The following SHISA6 variants were observed in gnomAD, a reference collection of about 807,000 sequenced individuals.
The protein encoded by SHISA6 is protein shisa-6.
Under a neutral mutation model 47.9 loss-of-function variants are expected in SHISA6, and 22 were observed. The observed-to-expected ratio is 0.46, with a 90% CI of 0.33 to 0.66. SHISA6 has a LOEUF of 0.66. SHISA6 is among the 30% of genes least tolerant of loss of function. SHISA6 has a pLI of 0.02. For missense variants in SHISA6, 680 were observed against 764.6 expected (o/e 0.89, Z 1.30); for synonymous variants, 388 against 337.8 (o/e 1.15, Z -1.63).
intron 3 of SHISA6, among the ~76,000 whole-genome samples, chr17:11,426,156 CAAG>C (rs1269024161): frequency 1.3e-5 from 2 of 152,166 alleles, no homozygotes; most frequent in Non-Finnish European, 2.9e-5. Context: ...AGTGACCCTC[CAAG>C]AAGGACAGTC....
At chr17:11,431,294 C>T (rs983938347) in intron 3 of SHISA6, among the ~76,000 whole-genome samples, 11 of 152,292 alleles carry the variant, frequency 7.2e-5, no homozygotes, top group African/African-American at 2.6e-4. Context: ...GACAGCTGCA[C>T]CCTCCACACA....
Position 11,305,491 on chromosome 17 carries a change from G to A in SHISA6, c.799+41965G>A, listed in dbSNP as rs376647355. ...GGCCCGAGTTCAGGTTGCATTGTCTGTGTCGCCTCACAGACTGCTGCACAG... is the reference window on the plus strand; with the variant it reads ...GGCCCGAGTTCAGGTTGCATTGTCTATGTCGCCTCACAGACTGCTGCACAG... On this transcript the variant is annotated intron_variant, in intron 2 of 5. Coordinates refer to ENST00000441885, the MANE Select transcript of SHISA6 (RefSeq NM_207386.4). 3.9e-5 allele frequency among the ~76,000 whole-genome samples: 6 copies of A among 152,346 alleles called. No individual in the cohort carries two copies. The East Asian group carries it at 7.7e-4, about 20-fold the overall frequency.
At chr17:11,455,573 C>T (rs187043288) in intron 3 of SHISA6, among the ~76,000 whole-genome samples, 3 of 151,622 alleles carry the variant, frequency 2.0e-5, no homozygotes, top group East Asian at 3.9e-4. Flanking sequence ...GCGTGGAGAG[C>T]GTCACACCCA....
intron 2 of SHISA6, among the ~76,000 whole-genome samples, chr17:11,267,004 T>TG (rs1387051280): frequency 2.6e-5 from 4 of 152,236 alleles, no homozygotes; most frequent in African/African-American, 9.6e-5. Context: ...TACTATGTAT[T>TG]GGGTACTCTG....
intron 3 of SHISA6, among the ~76,000 whole-genome samples, chr17:11,517,047 A>C (rs2071591541): frequency 6.6e-6 from 1 of 152,224 alleles, no homozygotes; most frequent in Admixed American, 6.5e-5. Context: ...TCTGGGTTTA[A>C]TGAGCATATA....
At chr17:11,269,892 C>T (rs1374839054) in intron 2 of SHISA6, among the ~76,000 whole-genome samples, 1 of 152,216 alleles carries the variant, frequency 6.6e-6, no homozygotes, top group Non-Finnish European at 1.5e-5. Context: ...TAAGTCTTCA[C>T]TCTCCAATAT....
intron 3 of SHISA6, among the ~76,000 whole-genome samples, chr17:11,402,074 T>C (rs1198343115): frequency 6.6e-6 from 1 of 152,200 alleles, no homozygotes. Context: ...AAGGGGCTCC[T>C]AACTTGGGGT....
intron 3 of SHISA6, among the ~76,000 whole-genome samples, chr17:11,512,291 C>T (rs202109164): frequency 1.3e-5 from 2 of 149,312 alleles, no homozygotes; most frequent in African/African-American, 5.1e-5. Context: ...AAAATGAAAA[C>T]AGTCTCACCT....
At chr17:11,289,096 C>T (rs1045773932) in intron 2 of SHISA6, 3 of 152,074 alleles carry the variant, frequency 2.0e-5, no homozygotes, top group Non-Finnish European at 4.4e-5. Flanking sequence ...AAGAGGTATA[C>T]TTTAATTTCC....
chr17:11,433,009 A>G (rs1247771462), intron 3 of SHISA6, among the ~76,000 whole-genome samples: 4 of 152,246 alleles, frequency 2.6e-5, no homozygotes, highest in Non-Finnish European at 5.9e-5. Context: ...TGAATACACA[A>G]AAAACCATTG....
At chr17:11,540,504 G>C (rs202162845) in intron 3 of SHISA6, among the ~76,000 whole-genome samples, 5 of 152,100 alleles carry the variant, frequency 3.3e-5, no homozygotes, top group African/African-American at 7.2e-5. Context: ...GGCCCAGTTT[G>C]GCTAAAGCTC....
chr17:11,515,442 C>T (rs1420239227), intron 3 of SHISA6, among the ~76,000 whole-genome samples: 1 of 151,360 alleles, frequency 6.6e-6, no homozygotes, highest in Non-Finnish European at 1.5e-5. Flanking sequence ...TGTCTCGGGT[C>T]GGGTTTCTTA....
intron 2 of SHISA6, among the ~76,000 whole-genome samples, chr17:11,347,047 A>G (rs542328145): frequency 1.3e-5 from 2 of 152,334 alleles, no homozygotes; most frequent in East Asian, 3.9e-4. Flanking sequence ...TGTAGCTGCA[A>G]AGTTCCTGTT....
intron 2 of SHISA6, chr17:11,289,116 G>C (rs2142167100): frequency 6.6e-6 from 1 of 152,132 alleles, no homozygotes. Flanking sequence ...CTGTCATTAA[G>C]ATTTATTTTT....
intron 3 of SHISA6, among the ~76,000 whole-genome samples, chr17:11,404,367 G>C (rs777955546): frequency 8.5e-5 from 13 of 152,278 alleles, no homozygotes; most frequent in South Asian, 2.1e-4. Flanking sequence ...CTGGAGTGAG[G>C]GGGGAGACAG....
intron 2 of SHISA6, among the ~76,000 whole-genome samples, chr17:11,324,484 G>A (rs1040098759): frequency 2.0e-5 from 3 of 152,172 alleles, no homozygotes; most frequent in Non-Finnish European, 4.4e-5. Context: ...TGGACCTCAT[G>A]GGAAATGAAC....
intron 3 of SHISA6, among the ~76,000 whole-genome samples, chr17:11,438,335 G>C (rs1914998468): frequency 6.6e-6 from 1 of 152,156 alleles, no homozygotes; most frequent in Non-Finnish European, 1.5e-5. Flanking sequence ...TGCCAGGGCT[G>C]CCATAACAAA....
intron 3 of SHISA6, among the ~76,000 whole-genome samples, chr17:11,513,905 G>T (rs2908967): frequency 0.78 from 118,526 of 152,152 alleles, 46,733 homozygotes; most frequent in East Asian, 0.96. Context: ...AGACAATTGC[G>T]GGACTCTCCA....
chr17:11,445,696 G>A (rs1185215881), intron 3 of SHISA6, among the ~76,000 whole-genome samples: 1 of 152,200 alleles, frequency 6.6e-6, no homozygotes, highest in Non-Finnish European at 1.5e-5. Context: ...CCATAAGACA[G>A]TCACAGGGTA....
Sources: gnomAD v4.1 joint callset for allele counts (sites outside exome capture counted in the v4.1 genomes callset) on GRCh38, gnomAD v4.1.1 for gene constraint, MANE v1.5 for transcripts, NCBI Gene and HGNC (gene_info 2026-07-23, HGNC 2026-07-21) for gene names.